The following TJP2 variants were observed in gnomAD, a reference collection of about 807,000 sequenced individuals.
The protein encoded by TJP2 is tight junction protein 2, also known as Friedreich ataxia region gene X104 (tight junction protein ZO-2).
A neutral mutation model predicts 133.1 loss-of-function variants in TJP2; 91 were observed. That is an observed-to-expected ratio of 0.68 (90% CI 0.58 to 0.81). The LOEUF is 0.81. Among genes scored for constraint, TJP2 ranks in the 40% least tolerant of loss-of-function variants. The probability of loss-of-function intolerance (pLI) is 0.00; values close to 1 mark genes in which losing one functional copy is unlikely to be tolerated. For missense variants in TJP2, 1,541 were observed against 1,565.6 expected (o/e 0.98, Z 0.26); for synonymous variants, 592 against 583.4 (o/e 1.01, Z -0.21).
At chr9:69,138,142 A>G (rs1370395370) in intron 1 of TJP2, among the ~76,000 whole-genome samples, 1 of 152,154 alleles carries the variant, frequency 6.6e-6, no homozygotes, top group Non-Finnish European at 1.5e-5. Flanking sequence ...CAGTTCTCTC[A>G]TCTTGAACCA....
At chr9:69,168,535 C>A (rs1824483605) in intron 2 of TJP2, among the ~76,000 whole-genome samples, 1 of 152,114 alleles carries the variant, frequency 6.6e-6, no homozygotes, top group Non-Finnish European at 1.5e-5. Context: ...TGGCTCATGC[C>A]TGTAATCCCA....
chr9:69,170,530 A>G (rs1355939341), upstream of TJP2, among the ~76,000 whole-genome samples: 1 of 152,204 alleles, frequency 6.6e-6, no homozygotes, highest in Non-Finnish European at 1.5e-5. Flanking sequence ...ATACAGGCAT[A>G]TAGTGAAGTG....
chr9:69,221,447 GCGGC>G lies in TJP2; in HGVS notation c.907_910del (p.Pro303GlyfsTer7). ...GGAGCCCCAGCCCCGAGCCTAGGGG[GCGGC>G]CGGGGCCCATCGGGGTCCTCCTGAT... On this transcript the variant is annotated frameshift_variant, in exon 5 of 23. Transcript: ENST00000377245. LOFTEE classifies it high-confidence loss of function. 6.3e-7 allele frequency: 1 copy of G among 1,595,380 alleles called. No homozygotes were observed. The highest frequency in any genetic ancestry group is 1.1e-5 in the South Asian group (1 of 88,408).
At chr9:69,248,261 C>T (rs1467943840) in intron 19 of TJP2, 37 bp downstream of exon 19, 8 of 1,553,392 alleles carry the variant, frequency 5.2e-6, no homozygotes, top group Non-Finnish European at 7.0e-6. Flanking sequence ...AACAGGAGAG[C>T]CTGGTGTTTT....
Position 69,228,003 on chromosome 9 carries a change from A to C in TJP2, c.1342A>C (p.Arg448=). 1.2e-6 allele frequency: 2 copies of C among 1,614,182 alleles called. No individual in the cohort carries two copies. Among genetic ancestry groups the C allele is most frequent in the African/African-American group, 1.3e-5 (1 of 75,058 alleles). ...CAGTTCCAGAGAGGACACGCCGAGC[A>C]GATTGTCCAGGATGGGTGCGACACC... ...RPSSREDTPS[R]LSRMGATPTP... is the part of the protein sequence containing the mutation. Residue 448 remains arginine, a synonymous_variant, in exon 9 of 23, where the codon AGA becomes CGA. Transcript: ENST00000377245.
chr9:69,174,468 G>A, intron 1 of TJP2, 36 bp downstream of exon 1: 1 of 1,525,792 alleles, frequency 6.6e-7, no homozygotes, highest in Non-Finnish European at 8.8e-7. Context: ...TTGGGAGGAG[G>A]GTCGTGAGCG....
chr9:69,214,997 C>T (rs1563918248), intron 2 of TJP2, among the ~76,000 whole-genome samples: 5 of 151,940 alleles, frequency 3.3e-5, no homozygotes, highest in Admixed American at 6.6e-5. Context: ...TAAGAAAGAA[C>T]GAAATATGTC....
chr9:69,169,656 G>A (rs928463946), upstream of TJP2, among the ~76,000 whole-genome samples: 6 of 151,872 alleles, frequency 4.0e-5, no homozygotes, highest in Non-Finnish European at 5.9e-5. Flanking sequence ...CACCGTACCC[G>A]GCTGAACTTG....
chr9:69,169,361 T>TA (rs1341195407), upstream of TJP2, among the ~76,000 whole-genome samples: 1 of 131,602 alleles, frequency 7.6e-6, no homozygotes, highest in Non-Finnish European at 1.6e-5. Context: ...TCTCTTTTTT[T>TA]TTTTTTTTGG....
intron 22 of TJP2, 66 bp from the exon 23 acceptor site, chr9:69,254,143 G>C (rs1251984214): frequency 3.2e-6 from 5 of 1,587,260 alleles, no homozygotes; most frequent in East Asian, 4.5e-5. Flanking sequence ...TCAGAGCCAT[G>C]CCTCCCCGGG....
chr9:69,132,803 C>G (rs1822555783), intron 1 of TJP2, among the ~76,000 whole-genome samples: 1 of 152,212 alleles, frequency 6.6e-6, no homozygotes, highest in South Asian at 2.1e-4. Context: ...GGGTACCTAC[C>G]TGGTAGGCTT....
At chr9:69,206,953 A>G (rs1827475027) in intron 1 of TJP2, among the ~76,000 whole-genome samples, 1 of 152,182 alleles carries the variant, frequency 6.6e-6, no homozygotes, top group African/African-American at 2.4e-5. Flanking sequence ...GGAGCATAAT[A>G]ATTAAACAAA....
intron 1 of TJP2, among the ~76,000 whole-genome samples, chr9:69,175,525 A>G (rs1391787369): frequency 1.3e-5 from 2 of 152,240 alleles, no homozygotes; most frequent in Non-Finnish European, 2.9e-5. Context: ...TGGTAAATGT[A>G]TTTGTAGCAA....
At chr9:69,157,376 CCATAAACTGGGTGG>C in intron 2 of TJP2, among the ~76,000 whole-genome samples, 1 of 152,050 alleles carries the variant, frequency 6.6e-6, no homozygotes, top group Admixed American at 6.5e-5. Flanking sequence ...TAACAAAGCA[CCATAAACTGGGTGG>C]CTTAAACAGA....
rs1249360849 is a variant in TJP2, at chr9:69,210,916, T to TG, written c.61-1628dup. On this transcript the variant is annotated intron_variant, in intron 1 of 22. Transcript: ENST00000377245. ...TAACTTTAAAAATTTTTTGTAGAGA[T>TG]GGGGTCTCACTATGTTGCACAGGCT... 2.6e-5 allele frequency among the ~76,000 whole-genome samples: 4 copies of TG among 152,206 alleles called. No individual in the cohort carries two copies. In the East Asian group the frequency reaches 7.7e-4, roughly 29 times the overall value.
At chr9:69,150,350 G>T (rs1823412574) in intron 1 of TJP2, among the ~76,000 whole-genome samples, 1 of 147,418 alleles carries the variant, frequency 6.8e-6, no homozygotes, top group Admixed American at 6.8e-5. Context: ...CTGGAATGCA[G>T]TGGTGAGATC....
intron 19 of TJP2, chr9:69,248,433 A>C: frequency 7.0e-7 from 1 of 1,425,000 alleles, no homozygotes; most frequent in East Asian, 2.5e-5. Flanking sequence ...GAAGAGCTTG[A>C]GGGGTCAGCA....
intron 9 of TJP2, among the ~76,000 whole-genome samples, chr9:69,228,947 T>C (rs1829556515): frequency 1.3e-5 from 2 of 152,220 alleles, no homozygotes; most frequent in South Asian, 4.1e-4. Flanking sequence ...TCTATGTTCT[T>C]GTGCATGTGA....
upstream of TJP2, among the ~76,000 whole-genome samples, chr9:69,171,789 ATTT>A (rs34717893): frequency 9.2e-5 from 8 of 86,756 alleles, no homozygotes; most frequent in African/African-American, 3.2e-4. Context: ...GAGTAGAAGA[ATTT>A]TTTTTTTTTT....
Sources: allele counts gnomAD v4.1 joint callset (sites outside exome capture counted in the v4.1 genomes callset), GRCh38; gene constraint gnomAD v4.1.1; transcripts MANE v1.5; gene names NCBI Gene and HGNC (gene_info 2026-07-23, HGNC 2026-07-21).